Variants in ERCC6L2 observed in about 807,000 individuals in gnomAD.
ERCC6L2 encodes the protein DNA excision repair protein ERCC-6-like 2.
In ERCC6L2, 77 loss-of-function variants were observed where a neutral mutation model predicts 132.0. The observed-to-expected ratio is 0.58, with a 90% CI of 0.49 to 0.71. ERCC6L2 has a LOEUF of 0.71. ERCC6L2 is among the 30% of genes least tolerant of loss of function. ERCC6L2 has a pLI of 0.00. For synonymous variants in ERCC6L2, 583 were observed against 632.4 expected (o/e 0.92, Z 1.17); for missense variants, 1,542 against 1,837.6 (o/e 0.84, Z 2.94).
In ERCC6L2 at chr9:95,875,903, G is replaced by C. The variant is rs999464531; in HGVS notation, c.-136G>C. On this transcript the variant is annotated 5_prime_UTR_variant, in exon 1 of 19. Coordinates refer to ENST00000653738, the MANE Select transcript of ERCC6L2 (RefSeq NM_020207.7). ...CCCCTCCTCCATCCTGTGGCTTCGGGTTGCCGAAGAGCGATGCTCGGAGGG... is the reference window on the plus strand; with the variant it reads ...CCCCTCCTCCATCCTGTGGCTTCGGCTTGCCGAAGAGCGATGCTCGGAGGG... 2.2e-5 allele frequency: 20 copies of C among 907,396 alleles called. No homozygotes were observed. The Admixed American group carries it at 2.6e-4, about 12-fold the overall frequency. The allele number at this position is 907,396 out of a possible 1,614,324, so 56.2% of individuals were successfully genotyped here.
At chr9:95,898,003 A>G in intron 3 of ERCC6L2, 32 bp downstream of exon 3, 1 of 1,560,148 alleles carries the variant, frequency 6.4e-7, no homozygotes, top group Non-Finnish European at 8.7e-7. Context: ...TATTCTACTC[A>G]TGATGCTGGT....
chr9:95,993,107 G>A (rs1347078860), intron 17 of ERCC6L2, among the ~76,000 whole-genome samples: 2 of 152,100 alleles, frequency 1.3e-5, no homozygotes, highest in Admixed American at 6.6e-5. Context: ...ATACGAAAGA[G>A]ACTGGTAGGA....
At chr9:96,002,939 T>A (rs757730189) in intron 17 of ERCC6L2, among the ~76,000 whole-genome samples, 3 of 152,208 alleles carry the variant, frequency 2.0e-5, no homozygotes, top group African/African-American at 4.8e-5. Flanking sequence ...CCTTTTAGCA[T>A]TTTAGAAACT....
intron 19 of ERCC6L2, among the ~76,000 whole-genome samples, chr9:96,035,079 C>T (rs1402946157): frequency 3.3e-5 from 5 of 152,198 alleles, no homozygotes; most frequent in Non-Finnish European, 2.9e-5. Context: ...CCCATCCCTG[C>T]AGGCTCGGGG....
At chr9:96,039,548 G>A (rs1471217207) in intron 20 of ERCC6L2, among the ~76,000 whole-genome samples, 1 of 152,178 alleles carries the variant, frequency 6.6e-6, no homozygotes, top group Non-Finnish European at 1.5e-5. Context: ...AGCCAGGGTG[G>A]CAGTGGGACT....
At chr9:95,923,469 G>A (rs1829967702) in intron 9 of ERCC6L2, 90 bp downstream of exon 9, 4 of 1,440,788 alleles carry the variant, frequency 2.8e-6, no homozygotes, top group Non-Finnish European at 3.8e-6. Context: ...ATCAGAACAG[G>A]TGCTCAGTCA....
intron 17 of ERCC6L2, among the ~76,000 whole-genome samples, chr9:95,988,721 G>A (rs1833188528): frequency 6.6e-6 from 1 of 152,348 alleles, no homozygotes; most frequent in Middle Eastern, 3.4e-3. Flanking sequence ...GACCAACTGT[G>A]TGGGGGATTT....
intron 12 of ERCC6L2, among the ~76,000 whole-genome samples, chr9:95,948,424 G>A (rs1205522004): frequency 1.3e-5 from 2 of 152,152 alleles, no homozygotes; most frequent in African/African-American, 2.4e-5. Context: ...AGGCCAGGGC[G>A]GGTAGATCAC....
At chr9:95,931,721 A>T (rs1830346661) in intron 11 of ERCC6L2, among the ~76,000 whole-genome samples, 1 of 151,874 alleles carries the variant, frequency 6.6e-6, no homozygotes, top group South Asian at 2.1e-4. Flanking sequence ...CTTTTTGGGA[A>T]CTCGTAAGAG....
intron 17 of ERCC6L2, among the ~76,000 whole-genome samples, chr9:95,983,718 A>G (rs1039505389): frequency 1.3e-5 from 2 of 152,218 alleles, no homozygotes; most frequent in Non-Finnish European, 2.9e-5. Flanking sequence ...TGAATAAAGC[A>G]AAATTACAGA....
At chr9:95,953,733 C>A (rs1831458529) in intron 12 of ERCC6L2, among the ~76,000 whole-genome samples, 1 of 151,848 alleles carries the variant, frequency 6.6e-6, no homozygotes, top group Middle Eastern at 3.2e-3. Flanking sequence ...GAATTATACA[C>A]ATTATTACAT....
intron 12 of ERCC6L2, among the ~76,000 whole-genome samples, chr9:95,942,490 A>C (rs1443807835): frequency 1.3e-5 from 2 of 152,130 alleles, no homozygotes; most frequent in Non-Finnish European, 2.9e-5. Flanking sequence ...ACTCAGTAGA[A>C]GGTCTGGGAA....
intron 4 of ERCC6L2, among the ~76,000 whole-genome samples, chr9:95,909,162 T>C (rs770924010): frequency 1.3e-5 from 2 of 152,188 alleles, no homozygotes; most frequent in Non-Finnish European, 2.9e-5. Context: ...ATTTGATGAA[T>C]CTTGACCAGG....
intron 19 of ERCC6L2, among the ~76,000 whole-genome samples, chr9:96,023,935 A>G (rs1834328722): frequency 6.6e-6 from 1 of 152,258 alleles, no homozygotes; most frequent in African/African-American, 2.4e-5. Context: ...ACCCGGGAGC[A>G]TAACTGAACA....
chr9:96,000,501 A>G (rs565300530), intron 17 of ERCC6L2, among the ~76,000 whole-genome samples: 1 of 152,366 alleles, frequency 6.6e-6, no homozygotes, highest in African/African-American at 2.4e-5. Flanking sequence ...GAATATTTGT[A>G]TATATAAATA....
At chr9:95,892,105 A>T (rs537218312) in intron 2 of ERCC6L2, among the ~76,000 whole-genome samples, 2 of 152,118 alleles carry the variant, frequency 1.3e-5, no homozygotes, top group Non-Finnish European at 2.9e-5. Flanking sequence ...TGTGTAAATA[A>T]ATTTAAAAAA....
chr9:95,877,276 G>A (rs1827324816), intron 1 of ERCC6L2, among the ~76,000 whole-genome samples: 1 of 151,416 alleles, frequency 6.6e-6, no homozygotes, highest in South Asian at 2.1e-4. Context: ...AATTTATTTC[G>A]TCCTAGAAAT....
At chr9:95,973,116 TA>T (rs759247298) in intron 16 of ERCC6L2, 28 bp downstream of exon 16, 1 of 1,247,162 alleles carries the variant, frequency 8.0e-7, no homozygotes, top group Non-Finnish European at 1.0e-6. Flanking sequence ...CTCAAAACTT[TA>T]AAAAGTATAT....
intron 1 of ERCC6L2, among the ~76,000 whole-genome samples, chr9:95,879,637 G>GA (rs919380484): frequency 2.6e-5 from 4 of 152,326 alleles, no homozygotes; most frequent in Admixed American, 2.6e-4. Flanking sequence ...AGTAGAGTGG[G>GA]AGAGAAGGTT....
Sources: allele counts gnomAD v4.1 joint callset (sites outside exome capture counted in the v4.1 genomes callset), GRCh38; gene constraint gnomAD v4.1.1; transcripts MANE v1.5; gene names NCBI Gene and HGNC (gene_info 2026-07-23, HGNC 2026-07-21).